The following MAPK10 variants were observed in gnomAD, a reference collection of about 807,000 sequenced individuals.
MAPK10 encodes mitogen-activated protein kinase 10.
In MAPK10, 25 loss-of-function variants were observed where a neutral mutation model predicts 59.3. The observed-to-expected ratio is 0.42, with a 90% CI of 0.31 to 0.59. MAPK10 has a LOEUF of 0.59. Ranked by LOEUF, MAPK10 falls within the 20% of genes least tolerant of loss-of-function variation. MAPK10 has a pLI of 0.15. For missense variants in MAPK10, 351 were observed against 568.9 expected, an observed-to-expected ratio of 0.62 and a Z score of 3.90; for synonymous variants, 190 against 200.5, an observed-to-expected ratio of 0.95 and a Z score of 0.44.
chr4:86,073,925 C>T (rs2149010795), intron 9 of MAPK10, among the ~76,000 whole-genome samples: 3 of 113,036 alleles, frequency 2.7e-5, no homozygotes, highest in African/African-American at 1.2e-4. Context: ...TGGTGCAGAG[C>T]TGAGTTCAAT....
At chr4:86,213,740 A>C (rs2086529874) in intron 2 of MAPK10, among the ~76,000 whole-genome samples, 1 of 152,120 alleles carries the variant, frequency 6.6e-6, no homozygotes, top group South Asian at 2.1e-4. Context: ...TCTGACAAAG[A>C]AAAAGCCCTG....
intron 3 of MAPK10, among the ~76,000 whole-genome samples, chr4:86,171,674 C>T (rs1374982810): frequency 6.6e-6 from 1 of 152,148 alleles, no homozygotes; most frequent in South Asian, 2.1e-4. Context: ...TGGACAAGGA[C>T]TTCATGCCTA....
chr4:86,272,405 TA>T (rs1245798297), intron 2 of MAPK10, among the ~76,000 whole-genome samples: 3 of 151,996 alleles, frequency 2.0e-5, no homozygotes, highest in Non-Finnish European at 2.9e-5. Context: ...TATCTCAAGG[TA>T]AAAAATATAT....
intron 1 of MAPK10, among the ~76,000 whole-genome samples, chr4:86,486,855 A>G (rs910908226): frequency 6.6e-6 from 1 of 152,204 alleles, no homozygotes; most frequent in African/African-American, 2.4e-5. Flanking sequence ...TAACATCACC[A>G]GTGAGGGGCA....
At chr4:86,290,853 T>A (rs2095202099) in intron 2 of MAPK10, among the ~76,000 whole-genome samples, 1 of 152,184 alleles carries the variant, frequency 6.6e-6, no homozygotes, top group Admixed American at 6.6e-5. Flanking sequence ...GAAAAACTAG[T>A]ATGTAAAAGG....
intron 2 of MAPK10, among the ~76,000 whole-genome samples, chr4:86,273,311 C>G (rs2094486115): frequency 6.6e-6 from 1 of 151,934 alleles, no homozygotes; most frequent in African/African-American, 2.4e-5. Flanking sequence ...AGAGAAAAGC[C>G]ACACCTGTTA....
chr4:86,051,664 T>C (rs1249794654), intron 11 of MAPK10, among the ~76,000 whole-genome samples: 1 of 152,218 alleles, frequency 6.6e-6, no homozygotes, highest in African/African-American at 2.4e-5. Context: ...ATTATTTTCC[T>C]TTCTCTGCTA....
At chr4:86,212,344 C>T (rs1190374679) in intron 2 of MAPK10, among the ~76,000 whole-genome samples, 49 of 151,920 alleles carry the variant, frequency 3.2e-4, no homozygotes. Flanking sequence ...ATATCAAGAC[C>T]TTGTCTGTAC....
intron 1 of MAPK10, among the ~76,000 whole-genome samples, chr4:86,437,725 A>G (rs956403205): frequency 1.6e-4 from 24 of 152,194 alleles, no homozygotes; most frequent in African/African-American, 5.8e-4. Context: ...TAATCTCACA[A>G]TTCTACTCCT....
chr4:86,053,918 A>G (rs1385608793), intron 11 of MAPK10, among the ~76,000 whole-genome samples: 1 of 152,186 alleles, frequency 6.6e-6, no homozygotes, highest in Admixed American at 6.5e-5. Flanking sequence ...CCTTTCAGAG[A>G]GCAACAGGCA....
intron 3 of MAPK10, among the ~76,000 whole-genome samples, chr4:86,176,485 TTTTTGTGCTTCAAGCAAATCAAGCACA>T (rs1336770523): frequency 6.6e-6 from 1 of 152,136 alleles, no homozygotes; most frequent in East Asian, 1.9e-4. Flanking sequence ...AAATCTGACC[TTTTTGTGCTTCAAGCAAATCAAGCACA>T]TTTTCACAAT....
At chr4:86,297,386 T>C (rs1472700509) in intron 2 of MAPK10, among the ~76,000 whole-genome samples, 1 of 152,152 alleles carries the variant, frequency 6.6e-6, no homozygotes, top group African/African-American at 2.4e-5. Flanking sequence ...CTCAGCTCAC[T>C]GCAACCCCTG....
chr4:86,331,534 A>G (rs890031861), intron 2 of MAPK10, among the ~76,000 whole-genome samples: 2 of 149,068 alleles, frequency 1.3e-5, no homozygotes, highest in Non-Finnish European at 3.0e-5. Context: ...GAAAAACCAC[A>G]TGTTTCTCTC....
At chr4:86,112,286 G>A (rs201304619) in intron 4 of MAPK10, among the ~76,000 whole-genome samples, 1 of 151,918 alleles carries the variant, frequency 6.6e-6, no homozygotes, top group Non-Finnish European at 1.5e-5. Context: ...TAGTTTTCTA[G>A]TTATTTTAGT....
At chr4:86,274,302 G>A (rs2094511898) in intron 2 of MAPK10, among the ~76,000 whole-genome samples, 1 of 151,946 alleles carries the variant, frequency 6.6e-6, no homozygotes, top group Non-Finnish European at 1.5e-5. Flanking sequence ...TATCATTTGT[G>A]TGAGTTTTTT....
intron 9 of MAPK10, among the ~76,000 whole-genome samples, chr4:86,078,384 G>T (rs1051641992): frequency 6.6e-6 from 1 of 152,026 alleles, no homozygotes; most frequent in African/African-American, 2.4e-5. Flanking sequence ...TCCTGCAAAG[G>T]CCATGGGAAA....
chr4:86,473,950 G>C (rs949336581), intron 1 of MAPK10, among the ~76,000 whole-genome samples: 1 of 151,984 alleles, frequency 6.6e-6, no homozygotes, highest in Non-Finnish European at 1.5e-5. Flanking sequence ...AGGAGTTCAA[G>C]ACCAGCCCTG....
At chr4:86,495,740 T>C (rs1478074473) in intron 1 of MAPK10, among the ~76,000 whole-genome samples, 1 of 152,216 alleles carries the variant, frequency 6.6e-6, no homozygotes, top group Non-Finnish European at 1.5e-5. Flanking sequence ...ATGTATTTGT[T>C]GAAAAAATGT....
chr4:86,465,468 T>C (rs955927763), intron 1 of MAPK10, among the ~76,000 whole-genome samples: 1 of 152,254 alleles, frequency 6.6e-6, no homozygotes, highest in Non-Finnish European at 1.5e-5. Context: ...AAATAGTGAC[T>C]ATGGGACATC....
Sources: gnomAD v4.1 joint callset for allele counts (sites outside exome capture counted in the v4.1 genomes callset) on GRCh38, gnomAD v4.1.1 for gene constraint, MANE v1.5 for transcripts, NCBI Gene and HGNC (gene_info 2026-07-23, HGNC 2026-07-21) for gene names.